ZBTB20: variants seen among roughly 807,000 people sequenced by gnomAD.
The protein encoded by ZBTB20 is zinc finger and BTB domain containing 20.
A neutral mutation model predicts 56.9 loss-of-function variants in ZBTB20; 9 were observed. The observed-to-expected ratio is 0.16, with a 90% CI of 0.10 to 0.28. The LOEUF (loss-of-function observed/expected upper bound fraction) is 0.28, where lower values mean the gene tolerates loss of function less well. Among genes scored for constraint, ZBTB20 ranks in the 10% least tolerant of loss-of-function variants. ZBTB20 has a pLI of 1.00. For synonymous variants in ZBTB20, 417 were observed against 420.7 expected (o/e 0.99, Z 0.11); for missense variants, 655 against 1,003.0 (o/e 0.65, Z 4.69).
intron 6 of ZBTB20, among the ~76,000 whole-genome samples, chr3:114,571,505 C>G (rs1353317393): frequency 6.6e-6 from 1 of 152,056 alleles, no homozygotes; most frequent in African/African-American, 2.4e-5. Flanking sequence ...CTGCCTTCAG[C>G]GGGGTGGGGT....
chr3:115,082,007 G>C (rs2082814019), intron 1 of ZBTB20, among the ~76,000 whole-genome samples: 1 of 152,104 alleles, frequency 6.6e-6, no homozygotes, highest in Non-Finnish European at 1.5e-5. Context: ...GTGGCTTCTG[G>C]AAAAGCTTCT....
intron 7 of ZBTB20, among the ~76,000 whole-genome samples, chr3:114,424,282 T>C (rs915695086): frequency 1.3e-5 from 2 of 152,170 alleles, no homozygotes; most frequent in South Asian, 2.1e-4. Flanking sequence ...TTCTGTGCCA[T>C]GCACTTCACA....
intron 6 of ZBTB20, among the ~76,000 whole-genome samples, chr3:114,592,840 A>G (rs2107572979): frequency 6.6e-6 from 1 of 152,288 alleles, no homozygotes; most frequent in South Asian, 2.1e-4. Flanking sequence ...TCTATATTAT[A>G]CATTTTCTAC....
chr3:115,098,079 A>G (rs2083443680), intron 1 of ZBTB20, among the ~76,000 whole-genome samples: 1 of 152,156 alleles, frequency 6.6e-6, no homozygotes, highest in Admixed American at 6.5e-5. Context: ...TTCTCTTGAA[A>G]TTCTCTCCAT....
At chr3:114,401,447 T>G (rs559309090) in intron 7 of ZBTB20, among the ~76,000 whole-genome samples, 1 of 152,252 alleles carries the variant, frequency 6.6e-6, no homozygotes, top group Non-Finnish European at 1.5e-5. Flanking sequence ...TAGCTTCAAC[T>G]TTCAAAGGAT....
intron 3 of ZBTB20, among the ~76,000 whole-genome samples, chr3:114,961,378 G>A (rs2077446470): frequency 6.6e-6 from 1 of 152,044 alleles, no homozygotes; most frequent in African/African-American, 2.4e-5. Context: ...AGATTTTCCA[G>A]AAGTCTAAAA....
At chr3:114,940,441 C>G (rs1021947849) in intron 3 of ZBTB20, among the ~76,000 whole-genome samples, 1 of 144,944 alleles carries the variant, frequency 6.9e-6, no homozygotes, top group East Asian at 1.9e-4. Context: ...TTTGCCAAAC[C>G]CTCTCAGGGT....
chr3:114,385,025 C>A (rs1410513726), intron 8 of ZBTB20, among the ~76,000 whole-genome samples: 1 of 152,126 alleles, frequency 6.6e-6, no homozygotes, highest in Admixed American at 6.5e-5. Flanking sequence ...TCTTCTTTCA[C>A]CCTATCCCAA....
At chr3:114,538,693 C>T (rs1305367996) in intron 6 of ZBTB20, among the ~76,000 whole-genome samples, 1 of 151,958 alleles carries the variant, frequency 6.6e-6, no homozygotes, top group Non-Finnish European at 1.5e-5. Flanking sequence ...TGTGTAGAGA[C>T]AGGTCCTGTT....
intron 5 of ZBTB20, among the ~76,000 whole-genome samples, chr3:114,785,685 G>A (rs2070426134): frequency 6.6e-6 from 1 of 151,746 alleles, no homozygotes; most frequent in African/African-American, 2.4e-5. Context: ...TATGTACAAT[G>A]TGATGGTTAT....
At chr3:114,960,735 G>A (rs1009117407) in intron 3 of ZBTB20, among the ~76,000 whole-genome samples, 5 of 152,066 alleles carry the variant, frequency 3.3e-5, no homozygotes, top group Non-Finnish European at 5.9e-5. Context: ...CAAAATTCTA[G>A]ACATCATCAG....
intron 2 of ZBTB20, among the ~76,000 whole-genome samples, chr3:114,979,036 G>A (rs1282948530): frequency 2.6e-5 from 4 of 151,720 alleles, no homozygotes; most frequent in Non-Finnish European, 4.4e-5. Flanking sequence ...GGTATCGTGA[G>A]GAAGGGAAGA....
chr3:114,366,361 C>A (rs1348109929), intron 10 of ZBTB20, among the ~76,000 whole-genome samples: 1 of 151,726 alleles, frequency 6.6e-6, no homozygotes, highest in Admixed American at 6.6e-5. Context: ...GTGGAGAGTT[C>A]AGATTGCAAC....
At chr3:115,125,522 C>A (rs1446536829) in intron 1 of ZBTB20, among the ~76,000 whole-genome samples, 2 of 152,152 alleles carry the variant, frequency 1.3e-5, no homozygotes, top group East Asian at 3.9e-4. Context: ...GGAGCTAAAA[C>A]AATGAAACTC....
At chr3:114,574,478 T>A (rs552524174) in intron 6 of ZBTB20, among the ~76,000 whole-genome samples, 37 of 152,378 alleles carry the variant, frequency 2.4e-4, no homozygotes, top group Admixed American at 9.8e-4. Context: ...ATCATGACTT[T>A]GAATCCTAGT....
intron 3 of ZBTB20, among the ~76,000 whole-genome samples, chr3:114,941,911 C>A (rs1471629810): frequency 6.9e-6 from 1 of 145,780 alleles, no homozygotes; most frequent in Non-Finnish European, 1.5e-5. Flanking sequence ...ATCACATTAC[C>A]CAGGGAGGTG....
At chr3:114,730,083 C>T (rs999836308) in intron 5 of ZBTB20, among the ~76,000 whole-genome samples, 2 of 151,110 alleles carry the variant, frequency 1.3e-5, no homozygotes, top group Admixed American at 6.6e-5. Context: ...CAGGTGTGAG[C>T]TACTGTGTCT....
At chr3:114,627,554 C>A (rs547441171) in intron 6 of ZBTB20, among the ~76,000 whole-genome samples, 36 of 152,248 alleles carry the variant, frequency 2.4e-4, no homozygotes, top group Non-Finnish European at 4.6e-4. Flanking sequence ...AAGTCAGACC[C>A]ATGTAAATGA....
rs535345547 is a variant in ZBTB20 at position 114,803,034 on chromosome 3, T to TC, written c.-416-1861dup. 1.1e-3 allele frequency among the ~76,000 whole-genome samples: 164 copies of TC among 151,090 alleles called. 1 individual carries two copies. The highest frequency in any genetic ancestry group is 4.5e-3 in the East Asian group (23 of 5,142). ...AGATGGTCAGTGTACCAATTTTCATTCCCCCCCCATGCCATTTCTCCTTCT... is the reference window on the plus strand; with the variant it reads ...AGATGGTCAGTGTACCAATTTTCATTCCCCCCCCCATGCCATTTCTCCTTCT... On this transcript the variant is annotated intron_variant, in intron 4 of 11. Coordinates refer to ENST00000675478, the MANE Select transcript of ZBTB20 (RefSeq NM_001348800.3).
Sources: allele counts gnomAD v4.1 joint callset (sites outside exome capture counted in the v4.1 genomes callset), GRCh38; gene constraint gnomAD v4.1.1; transcripts MANE v1.5; gene names NCBI Gene and HGNC (gene_info 2026-07-23, HGNC 2026-07-21).